The following ROBO2 variants were observed in gnomAD, a reference collection of about 807,000 sequenced individuals.
ROBO2 encodes roundabout guidance receptor 2, also known as roundabout homolog 2.
A neutral mutation model predicts 160.8 loss-of-function variants in ROBO2; 53 were observed. The observed-to-expected ratio is 0.33, with a 90% CI of 0.26 to 0.41. The LOEUF (loss-of-function observed/expected upper bound fraction) is 0.41. ROBO2 is among the 10% of genes least tolerant of loss of function. The probability of loss-of-function intolerance (pLI) is 1.00; values close to 1 mark genes in which losing one functional copy is unlikely to be tolerated. For missense variants in ROBO2, 1,577 were observed against 1,722.4 expected, an observed-to-expected ratio of 0.92 and a Z score of 1.49; for synonymous variants, 664 against 611.7, an observed-to-expected ratio of 1.09 and a Z score of -1.26.
chr3:77,089,903 A>G (rs754977080), intron 1 of ROBO2, among the ~76,000 whole-genome samples: 14 of 152,226 alleles, frequency 9.2e-5, no homozygotes, highest in Non-Finnish European at 1.8e-4. Context: ...GATTGATGGC[A>G]TGATTCATTA....
rs767403231 is a variant in ROBO2 at position 76,068,964 on chromosome 3, C to T, written c.109+131362C>T. On this transcript the variant is annotated intron_variant, in intron 2 of 26. Coordinates refer to the ROBO2 transcript ENST00000487694. ...TTAGCTGCTGCTTCCTAGGTTGCTT[C>T]GTTGACCACCATCTTCCTGATTTCT... 8.5e-5 allele frequency among the ~76,000 whole-genome samples: 13 copies of T among 152,286 alleles called. No homozygotes were observed. In the East Asian group the frequency reaches 1.4e-3, roughly 16 times the overall value.
intron 2 of ROBO2, among the ~76,000 whole-genome samples, chr3:77,109,397 T>C (rs973434175): frequency 6.6e-6 from 1 of 152,036 alleles, no homozygotes; most frequent in African/African-American, 2.4e-5. Flanking sequence ...AATTAAAACA[T>C]GAAAATATTA....
rs72902073 is a variant in ROBO2 at position 77,010,475 on chromosome 3, C to T, written c.110-87539C>T. ...ATAAAAGCCACCTCTTTATAAATGA[C>T]CCATAATTCCACATGTGACCAGGCT... On this transcript the variant is annotated intron_variant, in intron 2 of 26. Transcript: ENST00000487694. 6.0e-3 allele frequency among the ~76,000 whole-genome samples: 908 copies of T among 152,270 alleles called. 12 individuals carry two copies. The highest frequency in any genetic ancestry group is 0.02 in the African/African-American group (827 of 41,546).
chr3:76,834,020 T>C (rs1304447327), intron 2 of ROBO2, among the ~76,000 whole-genome samples: 1 of 37,740 alleles, frequency 2.6e-5, no homozygotes, highest in South Asian at 7.7e-4. Flanking sequence ...TTTCCTTTCT[T>C]TCTTTTCTTT....
intron 6 of ROBO2, among the ~76,000 whole-genome samples, chr3:77,545,411 C>T (rs1273914913): frequency 6.6e-6 from 1 of 152,004 alleles, no homozygotes. Context: ...CTACACAGAG[C>T]CTTCTGTAGG....
chr3:77,352,070 A>G (rs2153459096), intron 2 of ROBO2, among the ~76,000 whole-genome samples: 1 of 150,828 alleles, frequency 6.6e-6, no homozygotes, highest in South Asian at 2.1e-4. Context: ...CACATTGTGC[A>G]CATGTACCCT....
chr3:76,618,135 C>G (rs2088749025), intron 2 of ROBO2, among the ~76,000 whole-genome samples: 1 of 151,652 alleles, frequency 6.6e-6, no homozygotes, highest in African/African-American at 2.4e-5. Flanking sequence ...CCAGGGAGGA[C>G]TAGCTTCTTT....
At chr3:76,383,440 T>C (rs1474200964) in intron 2 of ROBO2, among the ~76,000 whole-genome samples, 1 of 152,256 alleles carries the variant, frequency 6.6e-6, no homozygotes, top group East Asian at 1.9e-4. Flanking sequence ...TTGATGCTTA[T>C]GGTACTGTTA....
intron 2 of ROBO2, among the ~76,000 whole-genome samples, chr3:77,448,283 G>A (rs2080768350): frequency 6.6e-6 from 1 of 152,010 alleles, no homozygotes; most frequent in Admixed American, 6.6e-5. Flanking sequence ...TACTATGAGG[G>A]GAGAGTAGCC....
chr3:77,042,613 A>G (rs965643064), intron 1 of ROBO2, among the ~76,000 whole-genome samples: 1 of 152,212 alleles, frequency 6.6e-6, no homozygotes, highest in African/African-American at 2.4e-5. Context: ...GTTTGGAGAT[A>G]TATGAAACAA....
chr3:76,684,655 T>A (rs1244417272), intron 2 of ROBO2, among the ~76,000 whole-genome samples: 1 of 152,112 alleles, frequency 6.6e-6, no homozygotes, highest in Non-Finnish European at 1.5e-5. Flanking sequence ...TCCAAGAATA[T>A]CACTGACTAA....
In ROBO2 at chr3:76,156,798, C is replaced by T. The variant is rs141610742; in HGVS notation, c.109+219196C>T. ...GCCTGCCAACATGGTGAAACCTCAT[C>T]TCTACTAAAAATACAAAAACATTAT... is the stretch of plus-strand genomic sequence containing the variant. On this transcript the variant is annotated intron_variant, in intron 2 of 26. Coordinates refer to the ROBO2 transcript ENST00000487694. Among the ~76,000 whole-genome samples the T allele has an allele frequency of 1.3e-3, 203 of 152,276 alleles. 1 individual carries two copies. The highest frequency in any genetic ancestry group is 4.6e-3 in the African/African-American group (192 of 41,568).
In ROBO2 at chr3:76,255,914, C is replaced by T. The variant is rs531569101; in HGVS notation, c.109+318312C>T. Among the ~76,000 whole-genome samples, 3 of 152,034 alleles carry T rather than the reference C, an allele frequency of 2.0e-5. No individual in the cohort carries two copies. The South Asian group carries it at 6.2e-4, about 31-fold the overall frequency. On this transcript the variant is annotated intron_variant, in intron 2 of 26. Transcript: ENST00000487694. ...ACAATTAAAAAAAAACCACACTAAG[C>T]TTTTTGAATATGTACTGTAGTTAGC...
chr3:76,840,282 G>T (rs2068095937), intron 2 of ROBO2, among the ~76,000 whole-genome samples: 1 of 151,906 alleles, frequency 6.6e-6, no homozygotes, highest in Non-Finnish European at 1.5e-5. Context: ...GAAAGGGGCT[G>T]ATATTTTATT....
intron 2 of ROBO2, among the ~76,000 whole-genome samples, chr3:76,893,615 C>T (rs187551399): frequency 6.6e-6 from 1 of 151,832 alleles, no homozygotes; most frequent in East Asian, 1.9e-4. Flanking sequence ...ATGATCAAGT[C>T]AGGGTGTTTA....
chr3:77,378,211 C>T (rs35512425), intron 2 of ROBO2, among the ~76,000 whole-genome samples: 4,804 of 152,216 alleles, frequency 0.032, 100 homozygotes, highest in Middle Eastern at 0.051. Flanking sequence ...TATTGAAACT[C>T]AATAGGTAAG....
chr3:75,997,745 G>A (rs941029312), intron 2 of ROBO2, among the ~76,000 whole-genome samples: 16 of 151,886 alleles, frequency 1.1e-4, no homozygotes, highest in Non-Finnish European at 2.2e-4. Context: ...TGCCCACCTT[G>A]GCCTCCCAAA....
intron 2 of ROBO2, among the ~76,000 whole-genome samples, chr3:76,898,779 T>C (rs939920767): frequency 2.0e-5 from 3 of 152,126 alleles, no homozygotes; most frequent in Admixed American, 6.6e-5. Flanking sequence ...TTAACTAAAA[T>C]GTTTCTGTAC....
chr3:77,142,629 C>T (rs78802687), intron 2 of ROBO2, among the ~76,000 whole-genome samples: 2,812 of 152,274 alleles, frequency 0.018, 35 homozygotes, highest in African/African-American at 0.034. Flanking sequence ...CAAATCAATA[C>T]GCGGTGGTCC....
Sources: gnomAD v4.1 joint callset for allele counts (sites outside exome capture counted in the v4.1 genomes callset) on GRCh38, gnomAD v4.1.1 for gene constraint, MANE v1.5 for transcripts, NCBI Gene and HGNC (gene_info 2026-07-23, HGNC 2026-07-21) for gene names.